Variants in CPA4 observed in about 807,000 individuals in gnomAD.
CPA4 encodes carboxypeptidase A4, also known as carboxypeptidase A3.
In CPA4, 49 loss-of-function variants were observed where a neutral mutation model predicts 54.7. That is an observed-to-expected ratio of 0.90 (90% CI 0.71 to 1.14). CPA4 has a LOEUF of 1.14. Among genes scored for constraint, CPA4 ranks in the 50% most tolerant of loss-of-function variants. The probability of loss-of-function intolerance (pLI) is 0.00; values close to 1 mark genes in which losing one functional copy is unlikely to be tolerated. For synonymous variants in CPA4, 215 were observed against 206.8 expected, an observed-to-expected ratio of 1.04 and a Z score of -0.34; for missense variants, 487 against 525.1, an observed-to-expected ratio of 0.93 and a Z score of 0.71.
chr7:130,304,794 T>C (rs1049638478), intron 5 of CPA4, among the ~76,000 whole-genome samples: 1 of 152,200 alleles, frequency 6.6e-6, no homozygotes, highest in Non-Finnish European at 1.5e-5. Context: ...TTCCAAGTTT[T>C]GGCTGAAAGA....
chr7:130,293,659 A>T, intron 1 of CPA4: 1 of 192,914 alleles, frequency 5.2e-6, no homozygotes, highest in Non-Finnish European at 1.1e-5. Flanking sequence ...ATAAAGGGAA[A>T]CCCTGGGTCT....
rs201528535 is a variant in CPA4 at position 130,322,624 on chromosome 7, C to T, written c.1214C>T (p.Thr405Met). The T allele has an allele frequency of 5.0e-6, 8 of 1,614,188 alleles. No homozygotes were observed. In the Admixed American group the frequency reaches 5.0e-5, roughly 10 times the overall value. Residue 405 changes from threonine (T) to methionine (M), a missense_variant, in exon 11 of 11, where the codon ACG becomes ATG. Transcript: ENST00000222482. ...CAGATCATCCCCACTGCAGAGGAGA[C>T]GTGGCTGGGGCTGAAGACCATCATG... ...ANQIIPTAEETWLGLKTIMEH... is the reference protein window; with the variant it reads ...ANQIIPTAEEMWLGLKTIMEH...
In CPA4 at chr7:130,312,081, CG is replaced by C; in HGVS notation, c.1040del (p.Gly347AlafsTer37). 6.2e-7 allele frequency: 1 copy of C among 1,614,082 alleles called. No individual in the cohort carries two copies. The highest frequency in any genetic ancestry group is 8.5e-7 in the Non-Finnish European group (1 of 1,179,974). ...RLAAKALASV[S>X]GTEYQVGPTC... The stretch of plus-strand genomic sequence containing the variant: ...GCGGCCAAAGCTCTGGCTTCTGTGT[CG>C]GGCACTGAGTACCAAGTGGGTCCCA... On this transcript the variant is annotated frameshift_variant, in exon 10 of 11. Coordinates refer to ENST00000222482, the MANE Select transcript of CPA4 (RefSeq NM_016352.4). LOFTEE classifies it high-confidence loss of function.
chr7:130,321,981 C>T (rs1376144760), intron 10 of CPA4, among the ~76,000 whole-genome samples: 2 of 152,192 alleles, frequency 1.3e-5, no homozygotes, highest in African/African-American at 4.8e-5. Context: ...TACACCATGA[C>T]AGCTGGCTTA....
rs1562930687 is a variant in CPA4 at position 130,308,731 on chromosome 7, T to TATTTTTTTTTTTTTTC, written c.793+334_793+335insATTTTTTTTTTTTTTC. Among the ~76,000 whole-genome samples the TATTTTTTTTTTTTTTC allele has an allele frequency of 4.2e-3, 570 of 135,378 alleles. 6 individuals carry two copies. Among genetic ancestry groups the TATTTTTTTTTTTTTTC allele is most frequent in the African/African-American group, 0.019 (559 of 29,328 alleles). 88.8% of individuals were successfully genotyped at this position (135,378 alleles called of 152,430 possible). The stretch of plus-strand genomic sequence containing the variant: ...CGCCACCACGCCCGGCTATTTTTTT[T>TATTTTTTTTTTTTTTC]CAGTAGAGATGGGGTTTCACCATGT... On this transcript the variant is annotated intron_variant, in intron 8 of 10. Coordinates refer to ENST00000222482, the MANE Select transcript of CPA4 (RefSeq NM_016352.4).
chr7:130,295,868 A>C (rs1446175590), intron 1 of CPA4, among the ~76,000 whole-genome samples: 1 of 152,184 alleles, frequency 6.6e-6, no homozygotes, highest in African/African-American at 2.4e-5. Flanking sequence ...AATCCCAGCT[A>C]CTTGGGAGGC....
At chr7:130,312,311 C>T (rs1793927805) in intron 10 of CPA4, among the ~76,000 whole-genome samples, 189 bp downstream of exon 10, 1 of 152,166 alleles carries the variant, frequency 6.6e-6, no homozygotes, top group Non-Finnish European at 1.5e-5. Context: ...AACATCATAT[C>T]AAAAATTCCT....
In CPA4 at chr7:130,322,474, T is replaced by A. The variant is rs767522253; in HGVS notation, c.1079-15T>A. The stretch of plus-strand genomic sequence containing the variant: ...GGAACTGGGCTTCAAGAGTGTTTTG[T>A]CCTCCGACTTACAGATCCAGCTAGC... On this transcript the variant is annotated splice_polypyrimidine_tract_variant and intron_variant, in intron 10 of 10. Transcript: ENST00000222482. 1 of 1,607,738 alleles carries A rather than the reference T, an allele frequency of 6.2e-7. No homozygotes were observed. Among genetic ancestry groups the A allele is most frequent in the South Asian group, 1.1e-5 (1 of 89,672 alleles).
At chr7:130,299,504 C>T in intron 3 of CPA4, 100 bp downstream of exon 3, 1 of 1,123,594 alleles carries the variant, frequency 8.9e-7, no homozygotes, top group Non-Finnish European at 1.3e-6. Context: ...TTATCCTTTT[C>T]TATTTTATAG....
chr7:130,319,300 G>A lies in CPA4; in HGVS notation c.1079-3189G>A, dbSNP rs143134922. On this transcript the variant is annotated intron_variant, in intron 10 of 10. Transcript: ENST00000222482. ...CATGTACTTTTTGTAGTTCATAAGC[G>A]TGGTGATTGGGTTTTCACGCTCATG... Among the ~76,000 whole-genome samples, 50 of 152,308 alleles carry A rather than the reference G, an allele frequency of 3.3e-4. No homozygotes were observed. In the East Asian group the frequency reaches 6.6e-3, roughly 20 times the overall value.
intron 4 of CPA4, among the ~76,000 whole-genome samples, chr7:130,303,387 G>A (rs1793769162): frequency 6.6e-6 from 1 of 152,198 alleles, no homozygotes; most frequent in Non-Finnish European, 1.5e-5. Flanking sequence ...AAGCAAGATA[G>A]TCCACTGGGA....
At position 130,298,731 on chromosome 7, in the gene CPA4, TCGC is replaced by T; in HGVS notation, c.69-14_69-12del. On this transcript the variant is annotated splice_polypyrimidine_tract_variant and intron_variant, in intron 1 of 10. Coordinates refer to ENST00000222482, the MANE Select transcript of CPA4 (RefSeq NM_016352.4). The stretch of plus-strand genomic sequence containing the variant: ...ATTATCTTTTGCTCTTTTTTCCTTT[TCGC>T]TTCTTCCCCAGGGACCAAGTTTTGA... 1 of 1,564,164 alleles carries T rather than the reference TCGC, an allele frequency of 6.4e-7. No individual in the cohort carries two copies. The highest frequency in any genetic ancestry group is 1.4e-5 in the African/African-American group (1 of 73,914).
At chr7:130,295,385 T>A (rs940091921) in intron 1 of CPA4, among the ~76,000 whole-genome samples, 1 of 152,058 alleles carries the variant, frequency 6.6e-6, no homozygotes, top group Non-Finnish European at 1.5e-5. Flanking sequence ...TTGGAGAGGA[T>A]CAAGTTAAGA....
At chr7:130,319,741 C>A (rs1187652870) in intron 10 of CPA4, among the ~76,000 whole-genome samples, 1 of 152,166 alleles carries the variant, frequency 6.6e-6, no homozygotes, top group East Asian at 1.9e-4. Flanking sequence ...GTCCTCCAGG[C>A]AATCTCTTGG....
Position 130,310,269 on chromosome 7 carries a change from T to C in CPA4, c.794-518T>C, listed in dbSNP as rs1054965273. On this transcript the variant is annotated intron_variant, in intron 8 of 10. Transcript: ENST00000222482. The surrounding 1 kb of genome is among the most constrained non-coding windows in gnomAD (Gnocchi z 4.3). ...ACGCACACACACACGTATGCACGTG[T>C]GCACACACACACCCTAGAAACCCGA... Among the ~76,000 whole-genome samples the C allele has an allele frequency of 2.0e-5, 3 of 152,076 alleles. No individual in the cohort carries two copies. Among genetic ancestry groups the C allele is most frequent in the Non-Finnish European group, 2.9e-5 (2 of 68,030 alleles).
chr7:130,318,321 C>G (rs1794023109), intron 10 of CPA4, among the ~76,000 whole-genome samples: 1 of 152,130 alleles, frequency 6.6e-6, no homozygotes, highest in Non-Finnish European at 1.5e-5. Context: ...TATAAACTGC[C>G]AAAACTGGGA....
Position 130,310,234 on chromosome 7 carries a change from ACACACACACACG to A in CPA4, c.794-540_794-529del. Among the ~76,000 whole-genome samples, 1 of 132,688 alleles carries A rather than the reference ACACACACACACG, an allele frequency of 7.5e-6. No individual in the cohort carries two copies. Among genetic ancestry groups the A allele is most frequent in the Non-Finnish European group, 1.6e-5 (1 of 64,298 alleles). The allele number at this position is 132,688 out of a possible 152,430, so 87.0% of individuals were successfully genotyped here. ...CTGGGGTGGTTTCAGTCACATTCAT[ACACACACACACG>A]CACACACACACGTATGCACGTGTGC... On this transcript the variant is annotated intron_variant, in intron 8 of 10. Transcript: ENST00000222482. This position sits in a 1 kb window ranked among gnomAD's most constrained non-coding sequence, Gnocchi z 4.3.
At chr7:130,308,923 C>T (rs1379127731) in intron 8 of CPA4, among the ~76,000 whole-genome samples, 1 of 148,692 alleles carries the variant, frequency 6.7e-6, no homozygotes, top group Non-Finnish European at 1.5e-5. Flanking sequence ...TCTTGGCTCA[C>T]TCTCACTGCA....
intron 6 of CPA4, 47 bp downstream of exon 6, chr7:130,305,967 C>T (rs1716498307): frequency 2.0e-6 from 3 of 1,501,548 alleles, no homozygotes; most frequent in South Asian, 2.3e-5. Flanking sequence ...TGCCGGGGTG[C>T]CCCTGCAGCA....
Sources: allele counts gnomAD v4.1 joint callset (sites outside exome capture counted in the v4.1 genomes callset), GRCh38; gene constraint gnomAD v4.1.1; non-coding constraint Gnocchi (gnomAD v3.1); transcripts MANE v1.5; gene names NCBI Gene and HGNC (gene_info 2026-07-23, HGNC 2026-07-21).